Variants in NNT observed in about 807,000 individuals in gnomAD.
NNT encodes the protein NAD(P) transhydrogenase, mitochondrial.
A neutral mutation model predicts 104.8 loss-of-function variants in NNT; 50 were observed. The observed-to-expected ratio is 0.48, with a 90% CI of 0.38 to 0.60. The LOEUF is 0.60. NNT is among the 20% of genes least tolerant of loss of function. The pLI is 0.00. For missense variants in NNT, 1,131 were observed against 1,330.7 expected (o/e 0.85, Z 2.33); for synonymous variants, 461 against 490.4 (o/e 0.94, Z 0.79).
intron 10 of NNT, among the ~76,000 whole-genome samples, chr5:43,648,686 G>T (rs1172538410): frequency 6.6e-6 from 1 of 152,082 alleles, no homozygotes; most frequent in Non-Finnish European, 1.5e-5. Flanking sequence ...CTATTCCTCA[G>T]CCAAATCTGA....
intron 5 of NNT, among the ~76,000 whole-genome samples, chr5:43,623,377 C>CG (rs921604130): frequency 2.6e-5 from 4 of 152,002 alleles, no homozygotes; most frequent in African/African-American, 2.4e-5. Flanking sequence ...TCTTAGAAGG[C>CG]GGGGGTAGGG....
At chr5:43,666,082 G>C (rs539321890) in intron 17 of NNT, among the ~76,000 whole-genome samples, 2 of 151,820 alleles carry the variant, frequency 1.3e-5, no homozygotes, top group Non-Finnish European at 2.9e-5. Context: ...GATGACGGCC[G>C]GGAAGAGGCG....
At chr5:43,614,654 T>C (rs1749678889) in intron 3 of NNT, among the ~76,000 whole-genome samples, 2 of 152,180 alleles carry the variant, frequency 1.3e-5, no homozygotes, top group Non-Finnish European at 2.9e-5. Flanking sequence ...GATAAACTTA[T>C]TGACCCAATG....
intron 15 of NNT, among the ~76,000 whole-genome samples, chr5:43,656,381 T>G (rs1439991676): frequency 6.6e-6 from 1 of 152,202 alleles, no homozygotes; most frequent in Non-Finnish European, 1.5e-5. Flanking sequence ...TCAGAAATTG[T>G]AAGAGTTTTT....
chr5:43,651,467 A>G (rs1739760136), intron 12 of NNT, among the ~76,000 whole-genome samples: 1 of 151,922 alleles, frequency 6.6e-6, no homozygotes, highest in Non-Finnish European at 1.5e-5. Flanking sequence ...AATCCCAGCC[A>G]CTCGGGGGGC....
At chr5:43,702,507 A>G (rs1742908816) in intron 20 of NNT, 114 bp from the exon 21 acceptor site, 1 of 654,734 alleles carries the variant, frequency 1.5e-6, no homozygotes, top group Non-Finnish European at 2.4e-6. Flanking sequence ...ACAAGTGCGA[A>G]TCCTATATTT....
intron 5 of NNT, among the ~76,000 whole-genome samples, chr5:43,622,595 G>A (rs534737144): frequency 6.6e-6 from 1 of 152,206 alleles, no homozygotes; most frequent in South Asian, 2.1e-4. Flanking sequence ...ATATGCCTAC[G>A]GTGTAACAGT....
At chr5:43,676,914 C>G (rs1310504542) in intron 18 of NNT, among the ~76,000 whole-genome samples, 3 of 152,004 alleles carry the variant, frequency 2.0e-5, no homozygotes, top group Non-Finnish European at 4.4e-5. Context: ...ATAGCTTGAG[C>G]AGAGACTTGG....
chr5:43,604,344 C>T (rs1485163878), intron 1 of NNT, among the ~76,000 whole-genome samples: 2 of 152,168 alleles, frequency 1.3e-5, no homozygotes, highest in African/African-American at 4.8e-5. Flanking sequence ...TTCTTCATTG[C>T]ACCCCTTTTA....
In NNT at chr5:43,693,593, T is replaced by C. The variant is rs549088941; in HGVS notation, c.2877-6526T>C. Among the ~76,000 whole-genome samples, 3 of 152,342 alleles carry C rather than the reference T, an allele frequency of 2.0e-5. No homozygotes were observed. The South Asian group carries it at 6.2e-4, about 32-fold the overall frequency. On this transcript the variant is annotated intron_variant, in intron 19 of 21. Coordinates refer to ENST00000344920, the MANE Select transcript of NNT (RefSeq NM_182977.3). ...AAAGTATGCACATAAATTGTCAGTA[T>C]TTTGCCTCATTCATTTGTTGTCAAG...
At chr5:43,693,767 T>A (rs1220358500) in intron 19 of NNT, among the ~76,000 whole-genome samples, 1 of 152,170 alleles carries the variant, frequency 6.6e-6, no homozygotes, top group Non-Finnish European at 1.5e-5. Context: ...GATAGAATAA[T>A]TCATGGTTGA....
At chr5:43,624,539 C>G (rs1750266878) in intron 6 of NNT, among the ~76,000 whole-genome samples, 1 of 152,178 alleles carries the variant, frequency 6.6e-6, no homozygotes, top group Non-Finnish European at 1.5e-5. Flanking sequence ...CTTCACCTGA[C>G]TAGCAACGCA....
chr5:43,638,887 G>T (rs1002247984), intron 7 of NNT, among the ~76,000 whole-genome samples: 1 of 150,782 alleles, frequency 6.6e-6, no homozygotes. Flanking sequence ...TTTTCTTTTT[G>T]GTATGATTAG....
rs1478133651 is a variant in NNT at position 43,702,671 on chromosome 5, G to T, written c.3046G>T (p.Ala1016Ser). 6.8e-6 allele frequency: 11 copies of T among 1,613,056 alleles called. No homozygotes were observed. Among genetic ancestry groups the T allele is most frequent in the Non-Finnish European group, 9.3e-6 (11 of 1,179,450 alleles). The change falls in exon 21 of 22, where the codon GCT (alanine) becomes TCT (serine). Residue 1016 changes from alanine to serine, a missense_variant. Coordinates refer to ENST00000344920, the MANE Select transcript of NNT (RefSeq NM_182977.3). ...AGCTAATGACACTGTTAATTCAGCA[G>T]CTCAAGAAGATCCCAACTCTATTAT... ...IGANDTVNSA[A>S]QEDPNSIIAG...
chr5:43,700,242 G>T lies in NNT; in HGVS notation c.2995+5G>T. On this transcript the variant is annotated splice_donor_5th_base_variant and intron_variant, in intron 20 of 21. Transcript: ENST00000344920. ...AGATCAACCATGATTTTCCAGGTAA[G>T]TGGTGGGGGCAATTGTGAAGTTTAA... 6.3e-7 allele frequency: 1 copy of T among 1,594,294 alleles called. No homozygotes were observed. Among genetic ancestry groups the T allele is most frequent in the African/African-American group, 1.3e-5 (1 of 74,574 alleles).
At chr5:43,645,749 C>G (rs1230153884) in intron 10 of NNT, 1 of 116,124 alleles carries the variant, frequency 8.6e-6, no homozygotes, top group Non-Finnish European at 1.6e-5. Flanking sequence ...GAGTCTCGCT[C>G]TGTCGCCCAG....
chr5:43,655,790 C>T lies in NNT; in HGVS notation c.2060-50C>T, dbSNP rs199833955. 3.2e-5 allele frequency: 43 copies of T among 1,339,120 alleles called. No individual in the cohort carries two copies. In the African/African-American group the frequency reaches 5.3e-4, roughly 17 times the overall value. The allele number at this position is 1,339,120 out of a possible 1,614,324, so 83.0% of individuals were successfully genotyped here. ...TTAAGGGTGATCTTTGTTGTGGTTA[C>T]TTCTCAAAAGTTTGTCAAGTTTTAA... On this transcript the variant is annotated intron_variant, in intron 14 of 21. Transcript: ENST00000344920.
In NNT at chr5:43,702,598, TTC is replaced by T. The variant is rs1241927825; in HGVS notation, c.2996-21_2996-20del. The T allele has an allele frequency of 2.1e-6, 3 of 1,446,950 alleles. No individual in the cohort carries two copies. The South Asian group carries it at 3.9e-5, about 19-fold the overall frequency. The allele number at this position is 1,446,950 out of a possible 1,614,324, so 89.6% of individuals were successfully genotyped here. A position where few individuals can be genotyped will look rare whatever the true frequency, so the allele number is the denominator to read the frequency against. ...AGTGACCATTTGAGTTTTATATTCT[TTC>T]TTTTTTGTTTTATTATATAGATACT... On this transcript the variant is annotated intron_variant, in intron 20 of 21. Transcript: ENST00000344920.
chr5:43,667,320 G>C, intron 17 of NNT: 3 of 598,598 alleles, frequency 5.0e-6, no homozygotes, highest in South Asian at 2.0e-5. Flanking sequence ...TGTGCACAAC[G>C]TGCAGGTTTG....
Sources: gnomAD v4.1 joint callset for allele counts (sites outside exome capture counted in the v4.1 genomes callset) on GRCh38, gnomAD v4.1.1 for gene constraint, MANE v1.5 for transcripts, NCBI Gene and HGNC (gene_info 2026-07-23, HGNC 2026-07-21) for gene names.